TEP1: variants seen among roughly 807,000 people sequenced by gnomAD.
TEP1 encodes telomerase protein component 1.
A neutral mutation model predicts 306.3 loss-of-function variants in TEP1; 241 were observed. The ratio of observed to expected loss-of-function variants is 0.79; its 90% CI spans 0.71 to 0.88. The LOEUF (loss-of-function observed/expected upper bound fraction) is 0.88, where lower values mean the gene tolerates loss of function less well. TEP1 is among the 40% of genes least tolerant of loss of function. The pLI is 0.00. For missense variants in TEP1, 3,051 were observed against 3,276.1 expected, an observed-to-expected ratio of 0.93 and a Z score of 1.68; for synonymous variants, 1,289 against 1,305.5, an observed-to-expected ratio of 0.99 and a Z score of 0.27.
At chr14:20,369,266 C>T (rs1884673164) in intron 53 of TEP1, 78 bp downstream of exon 53, 1 of 1,497,852 alleles carries the variant, frequency 6.7e-7, no homozygotes, top group Non-Finnish European at 9.3e-7. Context: ...CCTAGGCCTC[C>T]CAAAGTGCTG....
chr14:20,372,861 G>C lies in TEP1; in HGVS notation c.6952-4C>G. The stretch of plus-strand genomic sequence containing the variant: ...GAGCACCAATGTGGCCTGGAGCCTG[G>C]TGTACACAACAAGTTCAATTCAGTG... On this transcript the variant is annotated splice_region_variant and splice_polypyrimidine_tract_variant and intron_variant, in intron 48 of 54. Coordinates refer to ENST00000262715, the MANE Select transcript of TEP1 (RefSeq NM_007110.5). 6.2e-7 allele frequency: 1 copy of C among 1,614,188 alleles called. No individual in the cohort carries two copies. The highest frequency in any genetic ancestry group is 1.3e-5 in the African/African-American group (1 of 75,060).
At chr14:20,404,858 T>G (rs1879050394) in intron 4 of TEP1, 86 bp from the exon 5 acceptor site, 1 of 1,462,686 alleles carries the variant, frequency 6.8e-7, no homozygotes. Flanking sequence ...TGAGTGTGCC[T>G]GTATAAAACC....
At chr14:20,401,223 C>T in intron 8 of TEP1, 82 bp from the exon 9 acceptor site, 2 of 1,514,736 alleles carry the variant, frequency 1.3e-6, no homozygotes, top group South Asian at 1.2e-5. Flanking sequence ...GTCATGTTTA[C>T]AGGGCATGTC....
chr14:20,382,533 C>T, intron 28 of TEP1, 90 bp downstream of exon 28: 1 of 1,558,920 alleles, frequency 6.4e-7, no homozygotes, highest in Non-Finnish European at 8.8e-7. Context: ...GATCACAAGA[C>T]AGCAAAGGAC....
At chr14:20,378,710 C>G in intron 37 of TEP1, 44 bp downstream of exon 37, 1 of 1,603,796 alleles carries the variant, frequency 6.2e-7, no homozygotes, top group Non-Finnish European at 8.5e-7. Flanking sequence ...GAGGGTGAGT[C>G]ATGGCTCAGG....
chr14:20,384,068 C>T lies in TEP1; in HGVS notation c.3504G>A (p.Gly1168=). The T allele has an allele frequency of 6.2e-7, 1 of 1,612,378 alleles. No individual in the cohort carries two copies. The highest frequency in any genetic ancestry group is 1.7e-4 in the Middle Eastern group (1 of 6,056). The change falls in exon 24 of 55, where the codon GGG becomes GGA. Residue 1168 remains glycine, a synonymous_variant. Transcript: ENST00000262715. ...LPHGRLSLVT[G]QSGQGKTAFL... Reference sequence around the variant, plus strand: ...AGGCTGTCTTGCCCTGTCCTGACTGCCCCGTCACCAGGCTCAGCCTTCCGT... The same window carrying T: ...AGGCTGTCTTGCCCTGTCCTGACTGTCCCGTCACCAGGCTCAGCCTTCCGT...
chr14:20,379,151 C>T, intron 35 of TEP1, 46 bp from the exon 36 acceptor site: 2 of 1,603,330 alleles, frequency 1.2e-6, no homozygotes, highest in East Asian at 2.2e-5. Flanking sequence ...TCCCCTTGAC[C>T]CTCCAAGTCC....
intron 15 of TEP1, 128 bp downstream of exon 15, chr14:20,390,553 G>T: frequency 1.2e-6 from 1 of 842,520 alleles, no homozygotes; most frequent in Non-Finnish European, 1.9e-6. Flanking sequence ...GGGGGTTGTA[G>T]CCAGTAGAGC....
chr14:20,392,225 T>TA (rs2139120369), intron 12 of TEP1, among the ~76,000 whole-genome samples: 1 of 152,324 alleles, frequency 6.6e-6, no homozygotes, highest in Non-Finnish European at 1.5e-5. Context: ...AGGCTGTTTT[T>TA]AAAATTCCAG....
At chr14:20,389,411 T>C in intron 16 of TEP1, 114 bp from the exon 17 acceptor site, 1 of 1,452,454 alleles carries the variant, frequency 6.9e-7, no homozygotes. Flanking sequence ...TAGGGTTATG[T>C]GGTAGGCTAG....
rs1017522041 is a variant in TEP1 at position 20,366,906 on chromosome 14, G to C, written c.*1531C>G. The C allele has an allele frequency of 2.0e-5, 3 of 152,204 alleles. No individual in the cohort carries two copies. Among genetic ancestry groups the C allele is most frequent in the African/African-American group, 7.2e-5 (3 of 41,458 alleles). The allele number at this position is 152,204 out of a possible 1,614,324, so 9.4% of individuals were successfully genotyped here. On this transcript the variant is annotated 3_prime_UTR_variant, in exon 55 of 55. Coordinates refer to ENST00000262715, the MANE Select transcript of TEP1 (RefSeq NM_007110.5). ...TCTTTTGCCTTTTGCTCTCCTAAAA[G>C]CATGGGCCAAGGGCAGGAGGAAGCT...
chr14:20,394,744 T>C (rs1029874520), intron 12 of TEP1, among the ~76,000 whole-genome samples: 11 of 152,168 alleles, frequency 7.2e-5, no homozygotes, highest in Admixed American at 6.5e-4. Context: ...TCCACCTGCC[T>C]CGGCCTCCCA....
rs568859443 is a variant in TEP1, at chr14:20,381,085, G to T, written c.4648-40C>A. The T allele has an allele frequency of 2.6e-6, 4 of 1,540,780 alleles. No homozygotes were observed. The highest frequency in any genetic ancestry group is 2.2e-5 in the South Asian group (2 of 89,502). On this transcript the variant is annotated intron_variant, in intron 32 of 54. Transcript: ENST00000262715. This position sits in a 1 kb window ranked among gnomAD's most constrained non-coding sequence, Gnocchi z 4.0. ...TTGAATTCATTAGGGATATGAAGGGGCTGGTGAGAAGGGACAGTTTAGTCT... is the reference window on the plus strand; with the variant it reads ...TTGAATTCATTAGGGATATGAAGGGTCTGGTGAGAAGGGACAGTTTAGTCT...
At chr14:20,405,033 C>T (rs185269201) in intron 4 of TEP1, among the ~76,000 whole-genome samples, 1 of 152,306 alleles carries the variant, frequency 6.6e-6, no homozygotes, top group Non-Finnish European at 1.5e-5. Context: ...CTTTGGAAGA[C>T]CTCCTGCATC....
At position 20,389,536 on chromosome 14, in the gene TEP1, T is replaced by C. The variant is rs1021722837; in HGVS notation, c.2465+74A>G. ...ATCCCTGCCAAGTGGGAGTGTCCTATGCTTTGGCAGGCGTAGAGAGGAAAT... is the reference window on the plus strand; with the variant it reads ...ATCCCTGCCAAGTGGGAGTGTCCTACGCTTTGGCAGGCGTAGAGAGGAAAT... On this transcript the variant is annotated intron_variant, in intron 16 of 54. Transcript: ENST00000262715. The C allele has an allele frequency of 2.5e-6, 4 of 1,586,690 alleles. No homozygotes were observed. In the African/African-American group the frequency reaches 5.4e-5, roughly 21 times the overall value.
intron 12 of TEP1, among the ~76,000 whole-genome samples, chr14:20,394,305 T>C (rs942357321): frequency 7.9e-5 from 12 of 152,166 alleles, no homozygotes; most frequent in African/African-American, 2.4e-4. Flanking sequence ...TGTCAGCCTG[T>C]AATTAATACA....
chr14:20,371,371 G>T, intron 50 of TEP1, 57 bp from the exon 51 acceptor site: 3 of 1,592,106 alleles, frequency 1.9e-6, no homozygotes, highest in Middle Eastern at 1.7e-4. Flanking sequence ...GTAAAGAGAA[G>T]AACACCTCTC....
chr14:20,398,014 A>C (rs534025721), intron 9 of TEP1, among the ~76,000 whole-genome samples: 1 of 151,976 alleles, frequency 6.6e-6, no homozygotes, highest in South Asian at 2.1e-4. Context: ...CGGCCTCCCA[A>C]ATTGCTGGGA....
In TEP1 at chr14:20,380,418, C is replaced by A; in HGVS notation, c.4820G>T (p.Arg1607Leu). 1 of 1,614,086 alleles carries A rather than the reference C, an allele frequency of 6.2e-7. No homozygotes were observed. The highest frequency in any genetic ancestry group is 8.5e-7 in the Non-Finnish European group (1 of 1,180,030). The change falls in exon 34 of 55, where the codon CGC (arginine) becomes CTC (leucine). Residue 1607 changes from arginine to leucine, a missense_variant. By Grantham distance (102) the Arg-to-Leu change is moderately radical (BLOSUM62 -2). Around this residue, in one of 3 missense-constraint regions of TEP1, gnomAD observed 1,540 missense variants for 1,705.9 expected, o/e 0.90. Transcript: ENST00000262715. ...TGAAGCCTGCTGCCTCAGGAAGGTG[C>A]GAAACACTGCAACGTCAGCCTCGGG... ...KLPEADVAVF[R>L]TFLRQQASIL... is the part of the protein sequence containing the mutation.
Sources: allele counts gnomAD v4.1 joint callset (sites outside exome capture counted in the v4.1 genomes callset), GRCh38; gene constraint gnomAD v4.1.1; regional missense constraint gnomAD v4.1.1; non-coding constraint Gnocchi (gnomAD v3.1); transcripts MANE v1.5; gene names NCBI Gene and HGNC (gene_info 2026-07-23, HGNC 2026-07-21).